The following PSMD9 variants were observed in gnomAD, a reference collection of about 807,000 sequenced individuals.
The protein encoded by PSMD9 is 26S proteasome non-ATPase regulatory subunit 9.
PSMD9 carries 26 observed loss-of-function variants against 25.9 expected under a neutral mutation model. The ratio of observed to expected loss-of-function variants is 1.00; its 90% CI spans 0.73 to 1.39. The LOEUF (loss-of-function observed/expected upper bound fraction) is 1.39, where lower values mean the gene tolerates loss of function less well. PSMD9 is among the 40% of genes most tolerant of loss of function. PSMD9 has a pLI of 0.00. For missense variants in PSMD9, 303 were observed against 299.3 expected, an observed-to-expected ratio of 1.01 and a Z score of -0.09; for synonymous variants, 110 against 114.5, an observed-to-expected ratio of 0.96 and a Z score of 0.25.
rs761768941 is a variant in PSMD9, at chr12:121,894,769, G to A, written c.169G>A (p.Val57Met). Residue 57 changes from valine to methionine, a missense_variant, in exon 2 of 6, where the codon GTG becomes ATG. Physicochemically the swap from Val to Met is conservative, Grantham distance 21. Transcript: ENST00000541212. The part of the protein sequence containing the change: ...QKGIGMNEPL[V>M]DCEGYPRSDV... ...AGGCATTGGGATGAACGAGCCGCTGGTGGACTGTGAGGGCTACCCCCGGTC... is the reference window on the plus strand; with the variant it reads ...AGGCATTGGGATGAACGAGCCGCTGATGGACTGTGAGGGCTACCCCCGGTC... 6.2e-7 allele frequency: 1 copy of A among 1,614,110 alleles called. No homozygotes were observed. Among genetic ancestry groups the A allele is most frequent in the South Asian group, 1.1e-5 (1 of 91,080 alleles).
Position 121,916,520 on chromosome 12 carries a change from A to C in PSMD9, c.*209A>C. 1.6e-6 allele frequency: 1 copy of C among 615,234 alleles called. No homozygotes were observed. The highest frequency in any genetic ancestry group is 2.1e-5 in the South Asian group (1 of 47,668). 38.1% of individuals were successfully genotyped at this position (615,234 alleles called of 1,614,324 possible). On this transcript the variant is annotated 3_prime_UTR_variant, in exon 6 of 6. Transcript: ENST00000541212. The stretch of plus-strand genomic sequence containing the variant: ...AAACTTAGGCTTGGCCTCTTTCACA[A>C]ATTAGGCCACGGCCCTAAATAGGAA...
rs1592953476 is a variant in PSMD9 at position 121,916,633 on chromosome 12, G to A, written c.*322G>A. 6.4e-6 allele frequency: 2 copies of A among 313,616 alleles called. No homozygotes were observed. Among genetic ancestry groups the A allele is most frequent in the East Asian group, 1.2e-4 (2 of 17,284 alleles). 19.4% of individuals were successfully genotyped at this position (313,616 alleles called of 1,614,324 possible). A position where few individuals can be genotyped will look rare whatever the true frequency, so the allele number is the denominator to read the frequency against. ...ATTATTTTTAATAAAGAGTTTTACA[G>A]TGCTGATATGACCCTGTTGTCACCC... is the stretch of plus-strand genomic sequence containing the variant. On this transcript the variant is annotated 3_prime_UTR_variant, in exon 6 of 6. Transcript: ENST00000541212.
chr12:121,892,158 T>C, intron 1 of PSMD9, among the ~76,000 whole-genome samples: 1 of 152,158 alleles, frequency 6.6e-6, no homozygotes, highest in East Asian at 1.9e-4. Context: ...GATAAGAGGA[T>C]AGTATCTAGA....
chr12:121,896,299 G>A (rs529072408), intron 2 of PSMD9, among the ~76,000 whole-genome samples: 137 of 151,914 alleles, frequency 9.0e-4, no homozygotes, highest in African/African-American at 2.8e-3. Context: ...GCAAAATCCT[G>A]TCTGTACTAA....
intron 3 of PSMD9, among the ~76,000 whole-genome samples, chr12:121,901,663 C>A (rs1565892601): frequency 8.8e-6 from 1 of 113,834 alleles, no homozygotes; most frequent in Non-Finnish European, 1.7e-5. Context: ...CCCTTCATTC[C>A]TTCTTTTTTT....
At chr12:121,904,552 C>T (rs950162024) in intron 4 of PSMD9, among the ~76,000 whole-genome samples, 4 of 150,378 alleles carry the variant, frequency 2.7e-5, no homozygotes, top group Non-Finnish European at 2.9e-5. Flanking sequence ...CCAGCCTAGG[C>T]GACAGAGCAA....
In PSMD9 at chr12:121,916,432, C is replaced by A; in HGVS notation, c.*121C>A. The A allele has an allele frequency of 7.8e-7, 1 of 1,279,652 alleles. No individual in the cohort carries two copies. The highest frequency in any genetic ancestry group is 1.1e-6 in the Non-Finnish European group (1 of 880,770). The allele number at this position is 1,279,652 out of a possible 1,614,324, so 79.3% of individuals were successfully genotyped here. ...ATCTGGAAGAGGCTTGTAACCTGAA[C>A]TTCTGTGTGGTGGCAGTACTGTGGC... On this transcript the variant is annotated 3_prime_UTR_variant, in exon 6 of 6. Coordinates refer to ENST00000541212, the MANE Select transcript of PSMD9 (RefSeq NM_002813.7).
rs766870372 is a variant in PSMD9, at chr12:121,899,679, C to G, written c.287C>G (p.Ala96Gly). 6.2e-7 allele frequency: 1 copy of G among 1,613,232 alleles called. No individual in the cohort carries two copies. The highest frequency in any genetic ancestry group is 2.2e-5 in the East Asian group (1 of 44,864). ...HKAVMKQVEE[A>G]LHQLHARDKE... is the part of the protein sequence containing the mutation. The stretch of plus-strand genomic sequence containing the variant: ...GCAGTGATGAAGCAGGTGGAGGAGG[C>G]CCTGCACCAGCTGCACGCTCGCGAC... The change falls in exon 3 of 6, where the codon GCC becomes GGC. Residue 96 changes from alanine (A) to glycine (G), a missense_variant. Coordinates refer to ENST00000541212, the MANE Select transcript of PSMD9 (RefSeq NM_002813.7).
chr12:121,901,745 G>A (rs35677587), intron 3 of PSMD9, among the ~76,000 whole-genome samples: 1,853 of 140,042 alleles, frequency 0.013, 45 homozygotes, highest in African/African-American at 0.05. Flanking sequence ...GCACGATCTC[G>A]GCTCACTGCA....
chr12:121,901,440 G>T (rs1162056876), intron 3 of PSMD9, among the ~76,000 whole-genome samples: 1 of 151,850 alleles, frequency 6.6e-6, no homozygotes, highest in South Asian at 2.1e-4. Flanking sequence ...CCTCAAACTC[G>T]CAGAGTCAAG....
intron 1 of PSMD9, among the ~76,000 whole-genome samples, chr12:121,891,524 C>T (rs575211844): frequency 1.3e-5 from 2 of 150,800 alleles, no homozygotes; most frequent in Non-Finnish European, 2.9e-5. Context: ...GGCCTGAACC[C>T]GGGATGTGGA....
Position 121,916,088 on chromosome 12 carries a change from T to G in PSMD9, c.644+144T>G, listed in dbSNP as rs1879892681. Reference sequence around the variant, plus strand: ...GGAAACTGCAGATAAATCCTCGTGGTAGGAACGAGACTACAGCTCTAGAAG... The same window carrying G: ...GGAAACTGCAGATAAATCCTCGTGGGAGGAACGAGACTACAGCTCTAGAAG... On this transcript the variant is annotated intron_variant, in intron 5 of 5. Coordinates refer to ENST00000541212, the MANE Select transcript of PSMD9 (RefSeq NM_002813.7). 6.0e-6 allele frequency: 7 copies of G among 1,169,668 alleles called. No individual in the cohort carries two copies. In the Admixed American group the frequency reaches 1.4e-4, roughly 23 times the overall value. The allele number at this position is 1,169,668 out of a possible 1,614,324, so 72.5% of individuals were successfully genotyped here. A position where few individuals can be genotyped will look rare whatever the true frequency, so the allele number is the denominator to read the frequency against.
intron 5 of PSMD9, 120 bp from the exon 6 acceptor site, chr12:121,916,164 A>C: frequency 7.3e-7 from 1 of 1,363,296 alleles, no homozygotes; most frequent in Non-Finnish European, 1.0e-6. Context: ...TCATTCATGC[A>C]CTAGGCATTT....
intron 1 of PSMD9, chr12:121,893,965 C>T (rs894323367): frequency 6.6e-6 from 1 of 152,042 alleles, no homozygotes. Flanking sequence ...TGCTCCTATT[C>T]CCATTTTATA....
intron 3 of PSMD9, among the ~76,000 whole-genome samples, chr12:121,900,976 G>C (rs920821283): frequency 2.2e-5 from 3 of 139,022 alleles, no homozygotes; most frequent in East Asian, 4.4e-4. Flanking sequence ...GACAGAGTGA[G>C]ACTCTGTCTA....
intron 2 of PSMD9, among the ~76,000 whole-genome samples, chr12:121,896,002 CTTAT>C (rs1053228152): frequency 1.3e-5 from 2 of 152,024 alleles, no homozygotes; most frequent in Non-Finnish European, 2.9e-5. Flanking sequence ...TGCATCACAT[CTTAT>C]TTATTTATTT....
At position 121,888,850 on chromosome 12, in the gene PSMD9, G is replaced by C. The variant is rs758606237; in HGVS notation, c.-7G>C. On this transcript the variant is annotated 5_prime_UTR_variant, in exon 1 of 6. Coordinates refer to ENST00000541212, the MANE Select transcript of PSMD9 (RefSeq NM_002813.7). The stretch of plus-strand genomic sequence containing the variant: ...CGGGTCTCTGGAGTCGCGGCCCGGG[G>C]TTCACGATGTCCGACGAGGAAGCGA... 6.2e-7 allele frequency: 1 copy of C among 1,601,258 alleles called. No individual in the cohort carries two copies. Among genetic ancestry groups the C allele is most frequent in the African/African-American group, 1.3e-5 (1 of 74,922 alleles).
At chr12:121,900,149 G>A (rs112158003) in intron 3 of PSMD9, among the ~76,000 whole-genome samples, 9 of 152,268 alleles carry the variant, frequency 5.9e-5, no homozygotes, top group African/African-American at 2.2e-4. Context: ...TTTTAGCTGG[G>A]CACTGAATGA....
At chr12:121,908,503 T>G (rs1879625580) in intron 4 of PSMD9, among the ~76,000 whole-genome samples, 1 of 152,164 alleles carries the variant, frequency 6.6e-6, no homozygotes, top group Non-Finnish European at 1.5e-5. Flanking sequence ...TAAAAAGTCC[T>G]GTGTCTCTCC....
Sources: allele counts gnomAD v4.1 joint callset (sites outside exome capture counted in the v4.1 genomes callset), GRCh38; gene constraint gnomAD v4.1.1; transcripts MANE v1.5; gene names NCBI Gene and HGNC (gene_info 2026-07-23, HGNC 2026-07-21).